The following COBL variants were observed in gnomAD, a reference collection of about 807,000 sequenced individuals.
COBL encodes cordon-bleu WH2 repeat protein.
COBL carries 51 observed loss-of-function variants against 98.8 expected under a neutral mutation model. The ratio of observed to expected loss-of-function variants is 0.52; its 90% CI spans 0.41 to 0.65. The LOEUF is 0.65. COBL is among the 30% of genes least tolerant of loss of function. The pLI is 0.00. For missense variants in COBL, 1,617 were observed against 1,617.5 expected (o/e 1.00, Z 0.01); for synonymous variants, 634 against 651.7 (o/e 0.97, Z 0.41).
At chr7:51,123,528 C>T (rs531248322) in intron 6 of COBL, among the ~76,000 whole-genome samples, 2 of 152,224 alleles carry the variant, frequency 1.3e-5, no homozygotes, top group African/African-American at 4.8e-5. Context: ...GGACTTTCTG[C>T]ACAAGCAGAA....
intron 2 of COBL, among the ~76,000 whole-genome samples, chr7:51,217,068 T>A (rs1055900376): frequency 6.6e-6 from 1 of 152,232 alleles, no homozygotes; most frequent in African/African-American, 2.4e-5. Flanking sequence ...CAGGAAACCA[T>A]GAGAAGGGAT....
At chr7:51,128,119 G>A (rs1387980960) in intron 6 of COBL, among the ~76,000 whole-genome samples, 6 of 152,160 alleles carry the variant, frequency 3.9e-5, no homozygotes, top group Non-Finnish European at 1.5e-5. Context: ...CCTCCCTAAG[G>A]TTTTTATTCA....
At chr7:51,202,156 A>G (rs1791188780) in intron 2 of COBL, among the ~76,000 whole-genome samples, 1 of 152,232 alleles carries the variant, frequency 6.6e-6, no homozygotes, top group Non-Finnish European at 1.5e-5. Context: ...ATGCCAAAGA[A>G]AAGCCATAAA....
intron 1 of COBL, among the ~76,000 whole-genome samples, chr7:51,220,909 T>C (rs1793574338): frequency 6.6e-6 from 1 of 152,154 alleles, no homozygotes. Flanking sequence ...ATTTTATACA[T>C]AGAATACATA....
chr7:51,023,344 T>G (rs1349988318), intron 12 of COBL, among the ~76,000 whole-genome samples: 3 of 152,218 alleles, frequency 2.0e-5, no homozygotes, highest in Non-Finnish European at 4.4e-5. Context: ...GGCATAAAAC[T>G]TGCCATATCC....
chr7:51,282,911 T>C (rs915722660), intron 1 of COBL, among the ~76,000 whole-genome samples: 1 of 151,992 alleles, frequency 6.6e-6, no homozygotes, highest in Non-Finnish European at 1.5e-5. Context: ...CCATAAAATC[T>C]ATAAACACTT....
intron 5 of COBL, among the ~76,000 whole-genome samples, chr7:51,162,714 G>GACA (rs1786936369): frequency 6.6e-6 from 1 of 152,174 alleles, no homozygotes; most frequent in Non-Finnish European, 1.5e-5. Flanking sequence ...CTACAAAGTG[G>GACA]GCAGTTTAGC....
chr7:51,157,129 G>A (rs537078030), intron 5 of COBL, among the ~76,000 whole-genome samples: 3 of 152,310 alleles, frequency 2.0e-5, no homozygotes, highest in African/African-American at 7.2e-5. Flanking sequence ...CTAGCGCTTT[G>A]AAAGGCCGAG....
rs531996617 is a variant in COBL, at chr7:51,281,307, C to T, written c.41+35286G>A. Among the ~76,000 whole-genome samples the T allele has an allele frequency of 5.9e-5, 9 of 152,130 alleles. No individual in the cohort carries two copies. In the South Asian group the frequency reaches 1.9e-3, roughly 32 times the overall value. On this transcript the variant is annotated intron_variant, in intron 1 of 12. Coordinates refer to ENST00000265136, the MANE Select transcript of COBL (RefSeq NM_015198.5). ...AGGCATAGGGACCTATGGGGCAATACCAACAGGTCTAATTTTCATGTCAAT... is the reference window on the plus strand; with the variant it reads ...AGGCATAGGGACCTATGGGGCAATATCAACAGGTCTAATTTTCATGTCAAT...
chr7:51,259,805 T>A (rs1754521833), intron 1 of COBL: 2 of 752,304 alleles, frequency 2.7e-6, no homozygotes, highest in South Asian at 2.7e-5. Flanking sequence ...GGGGGTGACT[T>A]TTACAAAGAT....
intron 5 of COBL, among the ~76,000 whole-genome samples, chr7:51,175,913 A>T (rs905236819): frequency 2.0e-5 from 3 of 152,104 alleles, no homozygotes; most frequent in Admixed American, 6.5e-5. Flanking sequence ...CCATAAATTT[A>T]CCTTCCCACG....
chr7:51,315,050 A>C (rs1803407949), intron 1 of COBL, among the ~76,000 whole-genome samples: 1 of 152,184 alleles, frequency 6.6e-6, no homozygotes, highest in Admixed American at 6.5e-5. Flanking sequence ...ATATTTATTT[A>C]TAAGGTGATA....
At chr7:51,285,542 T>G in intron 1 of COBL, among the ~76,000 whole-genome samples, 1 of 152,170 alleles carries the variant, frequency 6.6e-6, no homozygotes, top group Non-Finnish European at 1.5e-5. Flanking sequence ...ACCAAAAAAG[T>G]AAAGTATTTA....
chr7:51,054,203 C>T (rs1357571621), intron 7 of COBL, among the ~76,000 whole-genome samples: 3 of 152,190 alleles, frequency 2.0e-5, no homozygotes, highest in Admixed American at 1.3e-4. Flanking sequence ...AACAAACAAA[C>T]AAACAAAGAA....
chr7:51,310,962 A>AT (rs1440576045), intron 1 of COBL, among the ~76,000 whole-genome samples: 2,500 of 142,348 alleles, frequency 0.018, 20 homozygotes, highest in African/African-American at 0.033. Flanking sequence ...GGCCGGTTGT[A>AT]TTTTTTTTTT....
chr7:51,068,954 C>G (rs1239845692), intron 7 of COBL, among the ~76,000 whole-genome samples: 1 of 152,210 alleles, frequency 6.6e-6, no homozygotes, highest in Non-Finnish European at 1.5e-5. Context: ...CCTGAAGACT[C>G]CAAATGTAGG....
At position 51,147,301 on chromosome 7, in the gene COBL, A is replaced by G. The variant is rs569175652; in HGVS notation, c.784-10970T>C. Among the ~76,000 whole-genome samples, 64 of 152,340 alleles carry G rather than the reference A, an allele frequency of 4.2e-4. 1 individual carries two copies. The highest frequency in any genetic ancestry group is 1.5e-3 in the African/African-American group (61 of 41,578). On this transcript the variant is annotated intron_variant, in intron 5 of 12. Coordinates refer to ENST00000265136, the MANE Select transcript of COBL (RefSeq NM_015198.5). ...CAGCCTTGTATGGGTCACATTTGTT[A>G]GAAATGCTTGTTACTTGGTGCTGTA... is the stretch of plus-strand genomic sequence containing the variant.
At chr7:51,085,897 C>A (rs996850074) in intron 6 of COBL, among the ~76,000 whole-genome samples, 4 of 152,158 alleles carry the variant, frequency 2.6e-5, no homozygotes, top group African/African-American at 4.8e-5. Context: ...GTTATTAGAT[C>A]GGTGTATGGG....
intron 7 of COBL, among the ~76,000 whole-genome samples, chr7:51,063,728 T>C (rs1179993836): frequency 6.6e-6 from 1 of 152,210 alleles, no homozygotes; most frequent in East Asian, 1.9e-4. Context: ...ATCTCTAACT[T>C]TTTTTAAAAA....
Sources: allele counts gnomAD v4.1 joint callset (sites outside exome capture counted in the v4.1 genomes callset), GRCh38; gene constraint gnomAD v4.1.1; transcripts MANE v1.5; gene names NCBI Gene and HGNC (gene_info 2026-07-23, HGNC 2026-07-21).